KCNMB1: variants seen among roughly 807,000 people sequenced by gnomAD.
KCNMB1 encodes the protein potassium calcium-activated channel subfamily M regulatory beta subunit 1.
In KCNMB1, 22 loss-of-function variants were observed where a neutral mutation model predicts 21.7. The observed-to-expected ratio is 1.01, with a 90% confidence interval of 0.72 to 1.45. The LOEUF (loss-of-function observed/expected upper bound fraction) is 1.45. KCNMB1 is among the 40% of genes most tolerant of loss of function. The pLI, the probability that KCNMB1 is intolerant of heterozygous loss-of-function variation, is 0.00. For missense variants in KCNMB1, 243 were observed against 243.4 expected, an observed-to-expected ratio of 1.00 and a Z score of 0.01; for synonymous variants, 114 against 107.6, an observed-to-expected ratio of 1.06 and a Z score of -0.37.
chr5:170,388,145 G>C (rs1764561315), intron 1 of KCNMB1, among the ~76,000 whole-genome samples: 1 of 152,216 alleles, frequency 6.6e-6, no homozygotes, highest in African/African-American at 2.4e-5. Flanking sequence ...GAGCTCAGAA[G>C]GAAAGGAAAG....
In KCNMB1 at chr5:170,383,638, C is replaced by T. The variant is rs1195747772; in HGVS notation, c.306+41G>A. 4 of 1,608,348 alleles carry T rather than the reference C, an allele frequency of 2.5e-6. No homozygotes were observed. In the East Asian group the frequency reaches 6.7e-5, roughly 27 times the overall value. ...GTTAGGAACAGGCTCACACACCTGA[C>T]AGGGATAAAGGGATGTGTCCCCATC... On this transcript the variant is annotated intron_variant, in intron 3 of 3. Transcript: ENST00000274629.
chr5:170,381,539 C>T (rs1456781297), intron 3 of KCNMB1, among the ~76,000 whole-genome samples: 3 of 152,190 alleles, frequency 2.0e-5, no homozygotes, highest in Non-Finnish European at 4.4e-5. Flanking sequence ...GAGCAGCTAG[C>T]CCACAACCCA....
rs1167282526 is a variant in KCNMB1, at chr5:170,378,523, C to T, written c.*181G>A. On this transcript the variant is annotated 3_prime_UTR_variant, in exon 4 of 4. Coordinates refer to ENST00000274629, the MANE Select transcript of KCNMB1 (RefSeq NM_004137.4). ...TGGGGAGCCACTGTACATTCTTGAG[C>T]AGGCAATGACTTCACAAAAGGATTT... 6 of 711,956 alleles carry T rather than the reference C, an allele frequency of 8.4e-6. No individual in the cohort carries two copies. Among genetic ancestry groups the T allele is most frequent in the Admixed American group, 5.3e-5 (2 of 37,638 alleles). 44.1% of individuals were successfully genotyped at this position (711,956 alleles called of 1,614,324 possible).
In KCNMB1 at chr5:170,378,502, G is replaced by T; in HGVS notation, c.*202C>A. On this transcript the variant is annotated 3_prime_UTR_variant, in exon 4 of 4. Coordinates refer to ENST00000274629, the MANE Select transcript of KCNMB1 (RefSeq NM_004137.4). ...GCCTTATGGCCTCCAAGGCATTGGG[G>T]AGCCACTGTACATTCTTGAGCAGGC... 1.6e-6 allele frequency: 1 copy of T among 624,256 alleles called. No individual in the cohort carries two copies. Among genetic ancestry groups the T allele is most frequent in the South Asian group, 2.2e-5 (1 of 45,488 alleles). 38.7% of individuals were successfully genotyped at this position (624,256 alleles called of 1,614,324 possible). A position where few individuals can be genotyped will look rare whatever the true frequency, so the allele number is the denominator to read the frequency against.
intron 3 of KCNMB1, 66 bp from the exon 4 acceptor site, chr5:170,379,039 T>C (rs888468156): frequency 1.3e-6 from 2 of 1,555,372 alleles, no homozygotes; most frequent in Non-Finnish European, 8.7e-7. Flanking sequence ...GGGCTTGATA[T>C]GGAGTAAAGA....
At chr5:170,381,926 G>A (rs556114394) in intron 3 of KCNMB1, among the ~76,000 whole-genome samples, 13 of 152,236 alleles carry the variant, frequency 8.5e-5, no homozygotes, top group East Asian at 1.9e-4. Context: ...GGGTGGGGCC[G>A]AGTCATACTA....
intron 3 of KCNMB1, among the ~76,000 whole-genome samples, chr5:170,379,283 T>C (rs1177495959): frequency 6.6e-6 from 1 of 152,146 alleles, no homozygotes; most frequent in Non-Finnish European, 1.5e-5. Context: ...TCTCACTCTT[T>C]CTGAGCCCTG....
intron 3 of KCNMB1, 189 bp downstream of exon 3, chr5:170,383,490 C>T (rs547680960): frequency 2.4e-4 from 162 of 661,800 alleles, no homozygotes; most frequent in African/African-American, 1.4e-3. Flanking sequence ...AGCCAGTTAG[C>T]GGCAGATTCA....
intron 1 of KCNMB1, among the ~76,000 whole-genome samples, chr5:170,388,512 T>C (rs750744630): frequency 2.6e-5 from 4 of 152,248 alleles, no homozygotes; most frequent in Non-Finnish European, 5.9e-5. Flanking sequence ...CCAGGATATA[T>C]CTTCCCATTT....
At position 170,378,615 on chromosome 5, in the gene KCNMB1, G is replaced by T. The variant is rs1043226550; in HGVS notation, c.*89C>A. On this transcript the variant is annotated 3_prime_UTR_variant, in exon 4 of 4. Transcript: ENST00000274629. ...CTGGAAGAGTGGGAGGGCAGGTGGA[G>T]AAGGCATTGTGCTGCAAGTGGGGAG... is the stretch of plus-strand genomic sequence containing the variant. 2.2e-6 allele frequency: 3 copies of T among 1,350,678 alleles called. No individual in the cohort carries two copies. The highest frequency in any genetic ancestry group is 2.0e-6 in the Non-Finnish European group (2 of 985,996). The allele number at this position is 1,350,678 out of a possible 1,614,324, so 83.7% of individuals were successfully genotyped here. A position where few individuals can be genotyped will look rare whatever the true frequency, so the allele number is the denominator to read the frequency against.
chr5:170,385,575 C>T (rs757985278), intron 1 of KCNMB1, 104 bp from the exon 2 acceptor site: 9 of 1,058,124 alleles, frequency 8.5e-6, no homozygotes, highest in Non-Finnish European at 1.2e-5. Flanking sequence ...ATTAATATCA[C>T]TCTTGTTTAT....
intron 1 of KCNMB1, among the ~76,000 whole-genome samples, chr5:170,387,435 C>T (rs1231693898): frequency 2.6e-5 from 4 of 152,144 alleles, no homozygotes; most frequent in Admixed American, 6.5e-5. Context: ...CCCTCATACC[C>T]GGGCATCTCC....
chr5:170,378,976 G>T lies in KCNMB1; in HGVS notation c.307-3C>A. 1 of 1,613,148 alleles carries T rather than the reference G, an allele frequency of 6.2e-7. No homozygotes were observed. ...ACGCTGCCTGGGATGTAGGAGCACT[G>T]TGGGGAGAAACAAGAGCAGCTGTGG... On this transcript the variant is annotated splice_polypyrimidine_tract_variant and splice_region_variant and intron_variant, in intron 3 of 3. Transcript: ENST00000274629.
intron 1 of KCNMB1, among the ~76,000 whole-genome samples, chr5:170,386,300 T>C (rs1162738748): frequency 1.3e-5 from 2 of 152,148 alleles, no homozygotes; most frequent in African/African-American, 2.4e-5. Flanking sequence ...ATTAGAGTGA[T>C]GTGACCACAG....
chr5:170,387,726 T>C (rs1439982310), intron 1 of KCNMB1, among the ~76,000 whole-genome samples: 4 of 152,222 alleles, frequency 2.6e-5, no homozygotes. Context: ...GGAGAGCCCA[T>C]GCCTTTTTCT....
chr5:170,377,677 A>G lies in KCNMB1; in HGVS notation c.*1027T>C, dbSNP rs1267083805. On this transcript the variant is annotated 3_prime_UTR_variant, in exon 4 of 4. Coordinates refer to ENST00000274629, the MANE Select transcript of KCNMB1 (RefSeq NM_004137.4). ...AAGCTCCGAACCCCGGGTTCACGCC[A>G]TTCTCCTGCCTCAGCCTCCTGAGTA... The G allele has an allele frequency of 1.3e-5, 2 of 151,708 alleles. No individual in the cohort carries two copies. The highest frequency in any genetic ancestry group is 2.4e-5 in the African/African-American group (1 of 41,238). 9.4% of individuals were successfully genotyped at this position (151,708 alleles called of 1,614,324 possible). A position where few individuals can be genotyped will look rare whatever the true frequency, so the allele number is the denominator to read the frequency against.
chr5:170,381,194 T>C (rs559899165), intron 3 of KCNMB1, among the ~76,000 whole-genome samples: 2 of 152,290 alleles, frequency 1.3e-5, no homozygotes, highest in East Asian at 3.9e-4. Flanking sequence ...GAATTCACTC[T>C]TCATGGCCAA....
chr5:170,378,815 C>A lies in KCNMB1; in HGVS notation c.465G>T (p.Gln155His). 1 of 1,614,242 alleles carries A rather than the reference C, an allele frequency of 6.2e-7. No individual in the cohort carries two copies. The highest frequency in any genetic ancestry group is 1.1e-5 in the South Asian group (1 of 91,088). Residue 155 changes from glutamine to histidine, a missense_variant, in exon 4 of 4, where the codon CAG becomes CAT. Physicochemically the swap from Gln to His is conservative, Grantham distance 24. Coordinates refer to ENST00000274629, the MANE Select transcript of KCNMB1 (RefSeq NM_004137.4). ...GCCAGAAGAGGGAGAAGAGGAGGGC[C>A]TGGGGCCCGTAGAGGCGCTGGAATA... ...SVLFQRLYGPQALLFSLFWPT... is the reference protein window; with the variant it reads ...SVLFQRLYGPHALLFSLFWPT...
chr5:170,388,730 T>C (rs554001498), intron 1 of KCNMB1, among the ~76,000 whole-genome samples: 2 of 152,290 alleles, frequency 1.3e-5, no homozygotes, highest in East Asian at 3.9e-4. Flanking sequence ...AAATCCTGGC[T>C]CTGCCACTTA....
Sources: gnomAD v4.1 joint callset for allele counts (sites outside exome capture counted in the v4.1 genomes callset) on GRCh38, gnomAD v4.1.1 for gene constraint, MANE v1.5 for transcripts, NCBI Gene and HGNC (gene_info 2026-07-23, HGNC 2026-07-21) for gene names.